The following ETFA variants were observed in gnomAD, a reference collection of about 807,000 sequenced individuals.
ETFA encodes electron transfer flavoprotein subunit alpha, mitochondrial.
ETFA carries 22 observed loss-of-function variants against 46.2 expected under a neutral mutation model. That is an observed-to-expected ratio of 0.48 (90% CI 0.34 to 0.68). The LOEUF (loss-of-function observed/expected upper bound fraction) is 0.68, where lower values mean the gene tolerates loss of function less well. Ranked by LOEUF, ETFA falls within the 30% of genes least tolerant of loss-of-function variation. The pLI is 0.01. For synonymous variants in ETFA, 131 were observed against 139.9 expected (o/e 0.94, Z 0.45); for missense variants, 345 against 401.1 (o/e 0.86, Z 1.19).
chr15:76,229,317 C>G (rs1034352055), intron 10 of ETFA, among the ~76,000 whole-genome samples: 3 of 152,190 alleles, frequency 2.0e-5, no homozygotes, highest in African/African-American at 7.2e-5. Context: ...TTCCCAGCTT[C>G]TAGTACAAGG....
chr15:76,255,241 TACTC>T (rs1268281072), intron 9 of ETFA, among the ~76,000 whole-genome samples: 1 of 152,238 alleles, frequency 6.6e-6, no homozygotes, highest in Non-Finnish European at 1.5e-5. Context: ...TAATTTACCT[TACTC>T]TATCTTATGC....
At chr15:76,258,972 C>T (rs762268174) in intron 9 of ETFA, 29 of 1,583,606 alleles carry the variant, frequency 1.8e-5, no homozygotes, top group Non-Finnish European at 2.4e-5. Context: ...GCCCTGATGC[C>T]CTCTGCCTGT....
rs570609443 is a variant in ETFA, at chr15:76,259,331, G to A, written c.816+15081C>T. The A allele has an allele frequency of 1.9e-5, 31 of 1,595,972 alleles. 2 individuals are homozygous for A. In the South Asian group the frequency reaches 3.2e-4, roughly 16 times the overall value. ...CCATTCGCAGACAAGTAAAGCTTGG[G>A]CGCTGCTTGGGGTCAGCACTCCAGC... is the stretch of plus-strand genomic sequence containing the variant. On this transcript the variant is annotated intron_variant, in intron 9 of 11. Transcript: ENST00000557943.
chr15:76,259,196 C>T, intron 9 of ETFA: 1 of 1,532,736 alleles, frequency 6.5e-7, no homozygotes, highest in Non-Finnish European at 9.0e-7. Context: ...CCCCGCTAGG[C>T]AGCTCCAGGC....
At chr15:76,309,407 C>T (rs190033196) in intron 1 of ETFA, among the ~76,000 whole-genome samples, 339 of 152,226 alleles carry the variant, frequency 2.2e-3, no homozygotes, top group Non-Finnish European at 3.7e-3. Flanking sequence ...GCTGAGATCG[C>T]GCCACTGCAC....
chr15:76,233,142 A>G (rs942434471), intron 9 of ETFA, among the ~76,000 whole-genome samples: 1 of 152,156 alleles, frequency 6.6e-6, no homozygotes, highest in Non-Finnish European at 1.5e-5. Context: ...GGATGAGGAT[A>G]AAAAGCAATT....
chr15:76,235,030 C>T (rs2039109805), intron 9 of ETFA, among the ~76,000 whole-genome samples: 1 of 152,146 alleles, frequency 6.6e-6, no homozygotes, highest in East Asian at 1.9e-4. Flanking sequence ...GCTCTGTAGC[C>T]TCATTGCCTC....
At chr15:76,241,666 G>A (rs1024024786) in intron 9 of ETFA, among the ~76,000 whole-genome samples, 55 of 151,402 alleles carry the variant, frequency 3.6e-4, no homozygotes, top group African/African-American at 1.3e-3. Flanking sequence ...CAGGCATGGG[G>A]GGCGGGCCCC....
intron 8 of ETFA, among the ~76,000 whole-genome samples, chr15:76,278,105 T>C (rs1208392659): frequency 6.6e-6 from 1 of 152,180 alleles, no homozygotes; most frequent in East Asian, 1.9e-4. Flanking sequence ...CCAAAAGACC[T>C]ACACTAGTCT....
At chr15:76,251,146 G>C (rs1003176252) in intron 9 of ETFA, among the ~76,000 whole-genome samples, 1 of 152,086 alleles carries the variant, frequency 6.6e-6, no homozygotes, top group African/African-American at 2.4e-5. Context: ...GCAGATAAAG[G>C]GTTTTCTTTT....
At chr15:76,244,704 T>C (rs901077734) in intron 9 of ETFA, among the ~76,000 whole-genome samples, 1 of 151,608 alleles carries the variant, frequency 6.6e-6, no homozygotes, top group Admixed American at 6.6e-5. Context: ...AGAATAGAAA[T>C]TTAGAATAGT....
intron 9 of ETFA, among the ~76,000 whole-genome samples, chr15:76,249,528 G>A (rs1324088370): frequency 1.4e-5 from 2 of 138,860 alleles, no homozygotes; most frequent in Non-Finnish European, 3.0e-5. Context: ...TGCAAGCTCC[G>A]CCTCCCGGGT....
rs2038892529 is a variant in ETFA, at chr15:76,215,969, A to G, written c.*590T>C. ...AATTTACCTTAAGCCAACTAAATAC[A>G]TGGAGCTGGGTCAGGTTTAAGTCAG... On this transcript the variant is annotated 3_prime_UTR_variant, in exon 12 of 12. Coordinates refer to ENST00000557943, the MANE Select transcript of ETFA (RefSeq NM_000126.4). The G allele has an allele frequency of 6.6e-6, 1 of 152,260 alleles. No homozygotes were observed. Among genetic ancestry groups the G allele is most frequent in the African/African-American group, 2.4e-5 (1 of 41,448 alleles). The allele number at this position is 152,260 out of a possible 1,614,324, so 9.4% of individuals were successfully genotyped here. A position where few individuals can be genotyped will look rare whatever the true frequency, so the allele number is the denominator to read the frequency against.
chr15:76,221,727 G>A (rs2142104788), intron 11 of ETFA, among the ~76,000 whole-genome samples: 1 of 152,252 alleles, frequency 6.6e-6, no homozygotes, highest in Middle Eastern at 3.4e-3. Flanking sequence ...CTGATGTCCA[G>A]AGATTAAATA....
intron 9 of ETFA, among the ~76,000 whole-genome samples, chr15:76,242,238 G>A (rs1455965854): frequency 6.6e-6 from 1 of 152,158 alleles, no homozygotes; most frequent in African/African-American, 2.4e-5. Flanking sequence ...AGGAACCTTT[G>A]AAATTATCTA....
At chr15:76,271,291 T>C (rs527915058) in intron 9 of ETFA, among the ~76,000 whole-genome samples, 9 of 151,862 alleles carry the variant, frequency 5.9e-5, no homozygotes, top group Non-Finnish European at 1.3e-4. Context: ...AGTTGGCACA[T>C]ATTGCCTTAA....
intron 11 of ETFA, among the ~76,000 whole-genome samples, chr15:76,224,919 TC>T (rs1393716407): frequency 2.0e-5 from 3 of 152,146 alleles, no homozygotes; most frequent in African/African-American, 2.4e-5. Context: ...CTAATTAATA[TC>T]ATGAAAGTAA....
At chr15:76,245,652 G>C (rs923329309) in intron 9 of ETFA, among the ~76,000 whole-genome samples, 1 of 152,124 alleles carries the variant, frequency 6.6e-6, no homozygotes, top group African/African-American at 2.4e-5. Flanking sequence ...ATGGACAGTT[G>C]GTCTGTTAGT....
rs1327483238 is a variant in ETFA, at chr15:76,285,710, T to G, written c.591A>C (p.Ser197=). The G allele has an allele frequency of 5.6e-6, 9 of 1,611,190 alleles. No homozygotes were observed. The highest frequency in any genetic ancestry group is 7.6e-6 in the Non-Finnish European group (9 of 1,177,336). Residue 197 remains serine, a synonymous_variant, in exon 7 of 12, where the codon TCA becomes TCC. Coordinates refer to ENST00000557943, the MANE Select transcript of ETFA (RefSeq NM_000126.4). ...KASSTSPVEI[S]EWLDQKLTKS... The stretch of plus-strand genomic sequence containing the variant: ...TTGTTAATTTCTGGTCAAGCCACTC[T>G]GATATTTCCACTGGTGAAGTACTTG...
Sources: gnomAD v4.1 joint callset for allele counts (sites outside exome capture counted in the v4.1 genomes callset) on GRCh38, gnomAD v4.1.1 for gene constraint, MANE v1.5 for transcripts, NCBI Gene and HGNC (gene_info 2026-07-23, HGNC 2026-07-21) for gene names.